The following INSL6 variants were observed in gnomAD, a reference collection of about 807,000 sequenced individuals.
The protein encoded by INSL6 is insulin-like peptide INSL6.
In INSL6, 16 loss-of-function variants were observed where a neutral mutation model predicts 9.4. That is an observed-to-expected ratio of 1.70 (90% confidence interval 1.15 to 2.59). The LOEUF is 2.59. INSL6 is among the 30% of genes most tolerant of loss of function. The probability of loss-of-function intolerance (pLI) is 0.00; values close to 1 mark genes in which losing one functional copy is unlikely to be tolerated. For missense variants in INSL6, 391 were observed against 257.3 expected (o/e 1.52, Z -3.56); for synonymous variants, 154 against 96.9 (o/e 1.59, Z -3.46).
the INSL6 span, chr9:5,110,860 C>T: frequency 2.6e-3 from 1,292 of 488,460 alleles, 23 homozygotes; most frequent in African/African-American, 0.022. Context: ...CGCTTCATGC[C>T]GCCGCGCCCA....
At chr9:5,110,953 A>G in the INSL6 span, 39 of 592,598 alleles carry the variant, frequency 6.6e-5, no homozygotes, top group Middle Eastern at 4.6e-4. Flanking sequence ...GGACACGGAC[A>G]AGGAGCTCAG....
the INSL6 span, among the ~76,000 whole-genome samples, chr9:5,088,168 CAGAG>C: frequency 1.8e-4 from 27 of 152,260 alleles, no homozygotes; most frequent in Non-Finnish European, 3.1e-4. Flanking sequence ...TCCGCGGTCA[CAGAG>C]AGAGCAAGTT....
intron 3 of INSL6, chr9:5,126,834 C>A: frequency 8.1e-7 from 1 of 1,238,124 alleles, no homozygotes; most frequent in Non-Finnish European, 1.2e-6. Flanking sequence ...ATTTACAGAA[C>A]AAAGTTTTAT....
At chr9:5,015,106 A>G in the INSL6 span, among the ~76,000 whole-genome samples, 68 of 152,176 alleles carry the variant, frequency 4.5e-4, no homozygotes, top group Non-Finnish European at 4.0e-4. Flanking sequence ...GCATAAAGCT[A>G]TAGTTCATTT....
At chr9:5,116,417 C>T in the INSL6 span, among the ~76,000 whole-genome samples, 2 of 152,100 alleles carry the variant, frequency 1.3e-5, no homozygotes, top group East Asian at 1.9e-4. Flanking sequence ...ATTAGAACTG[C>T]GTTCATCTAA....
the INSL6 span, among the ~76,000 whole-genome samples, chr9:5,019,873 T>C: frequency 6.6e-6 from 1 of 152,230 alleles, no homozygotes; most frequent in Non-Finnish European, 1.5e-5. Flanking sequence ...TGGTGAACTT[T>C]TGCTGGGGAT....
chr9:5,169,923 C>G (rs1825140693), intron 1 of INSL6, among the ~76,000 whole-genome samples: 1 of 152,166 alleles, frequency 6.6e-6, no homozygotes, highest in African/African-American at 2.4e-5. Context: ...TAGTGGGAGA[C>G]TTTAACACTC....
downstream of INSL6, among the ~76,000 whole-genome samples, chr9:5,159,619 G>A (rs901893058): frequency 1.3e-5 from 2 of 152,132 alleles, no homozygotes. Flanking sequence ...AAATATATAC[G>A]CATTCAACGC....
chr9:5,129,396 C>A (rs977955095), intron 3 of INSL6, among the ~76,000 whole-genome samples: 1 of 152,080 alleles, frequency 6.6e-6, no homozygotes, highest in Non-Finnish European at 1.5e-5. Context: ...ATGCTTCCTA[C>A]AACTGCTGTC....
At chr9:5,144,607 G>A (rs376351095) in intron 2 of INSL6, among the ~76,000 whole-genome samples, 6 of 152,044 alleles carry the variant, frequency 3.9e-5, no homozygotes, top group East Asian at 1.9e-4. Flanking sequence ...ATTGTGTGGC[G>A]GTCTAAGTCT....
chr9:5,080,821 C>G, the INSL6 span: 2 of 502,804 alleles, frequency 4.0e-6, no homozygotes, highest in East Asian at 3.3e-5. Flanking sequence ...GTTCATATGG[C>G]TTTTCATGCT....
chr9:5,090,096 A>G, the INSL6 span, among the ~76,000 whole-genome samples: 2 of 152,232 alleles, frequency 1.3e-5, no homozygotes, highest in Non-Finnish European at 2.9e-5. Context: ...AGAAAGTATC[A>G]TTTTTAAAGG....
chr9:5,183,458 T>C (rs1825502059), intron 1 of INSL6, among the ~76,000 whole-genome samples: 1 of 152,232 alleles, frequency 6.6e-6, no homozygotes. Context: ...TCATTATTAA[T>C]GACATTTATT....
In INSL6 at chr9:5,164,064, C is replaced by T; in HGVS notation, c.491G>A (p.Gly164Glu). Residue 164 changes from glycine to glutamate, a missense_variant, in exon 2 of 2, where the codon GGG (glycine) becomes GAG (glutamate). Transcript: ENST00000381641. Reference protein sequence around the residue: ...KIKTLSNLFWGHHPQRKRRGY... With the variant: ...KIKTLSNLFWEHHPQRKRRGY... ...TCTGCGTTTTCTTTGGGGATGATGC[C>T]CCCAAAACAAATTGCTTAAGGTTTT... The T allele has an allele frequency of 6.2e-7, 1 of 1,613,614 alleles. No individual in the cohort carries two copies. The highest frequency in any genetic ancestry group is 1.1e-5 in the South Asian group (1 of 91,014).
At chr9:5,153,444 G>A (rs1304585780) in intron 2 of INSL6, among the ~76,000 whole-genome samples, 4 of 152,200 alleles carry the variant, frequency 2.6e-5, no homozygotes, top group Non-Finnish European at 5.9e-5. Context: ...ACAGGGTGGA[G>A]CCCACGCCAG....
chr9:5,013,381 A>G, the INSL6 span, among the ~76,000 whole-genome samples: 9 of 152,382 alleles, frequency 5.9e-5, no homozygotes, highest in Admixed American at 2.6e-4. Context: ...AAAGTAAATC[A>G]AAATGGTTAT....
intron 1 of INSL6, among the ~76,000 whole-genome samples, chr9:5,165,850 C>T (rs1411810433): frequency 6.6e-6 from 1 of 152,102 alleles, no homozygotes; most frequent in African/African-American, 2.4e-5. Flanking sequence ...ACAGTACCTT[C>T]TAGGAGGATA....
chr9:5,086,265 G>C, the INSL6 span, among the ~76,000 whole-genome samples: 3 of 152,106 alleles, frequency 2.0e-5, no homozygotes. Context: ...TCCGCCTCTG[G>C]CCCGCGATCC....
chr9:5,011,257 C>A, the INSL6 span, among the ~76,000 whole-genome samples: 1 of 152,258 alleles, frequency 6.6e-6, no homozygotes, highest in East Asian at 1.9e-4. Context: ...GTGATCACGG[C>A]TTTCTGCAGC....
Sources: allele counts gnomAD v4.1 joint callset (sites outside exome capture counted in the v4.1 genomes callset), GRCh38; gene constraint gnomAD v4.1.1; transcripts MANE v1.5; gene names NCBI Gene and HGNC (gene_info 2026-07-23, HGNC 2026-07-21).